The following KIRREL3 variants were observed in gnomAD, a reference collection of about 807,000 sequenced individuals.
KIRREL3 encodes the protein kin of IRRE-like protein 3.
In KIRREL3, 36 loss-of-function variants were observed where a neutral mutation model predicts 89.7. The observed-to-expected ratio is 0.40, with a 90% CI of 0.31 to 0.53. The LOEUF (loss-of-function observed/expected upper bound fraction) is 0.53. Among genes scored for constraint, KIRREL3 ranks in the 20% least tolerant of loss-of-function variants. The pLI, the probability that KIRREL3 is intolerant of heterozygous loss-of-function variation, is 0.49. For synonymous variants in KIRREL3, 445 were observed against 441.4 expected, an observed-to-expected ratio of 1.01 and a Z score of -0.10; for missense variants, 864 against 1,056.6, an observed-to-expected ratio of 0.82 and a Z score of 2.53.
intron 4 of KIRREL3, among the ~76,000 whole-genome samples, chr11:126,499,981 C>T (rs1003076369): frequency 6.6e-6 from 1 of 152,188 alleles, no homozygotes; most frequent in African/African-American, 2.4e-5. Context: ...TGATACAATG[C>T]TTTTGCACAT....
At chr11:126,923,215 T>C (rs867477553) in intron 1 of KIRREL3, among the ~76,000 whole-genome samples, 3 of 18,920 alleles carry the variant, frequency 1.6e-4, no homozygotes, top group Non-Finnish European at 1.0e-4. Flanking sequence ...TTCTTCTTCT[T>C]CTTCTTCTTC....
intron 1 of KIRREL3, among the ~76,000 whole-genome samples, chr11:126,847,236 T>C (rs1273616107): frequency 6.6e-6 from 1 of 152,160 alleles, no homozygotes; most frequent in Non-Finnish European, 1.5e-5. Flanking sequence ...TGTATAAATA[T>C]CTTACTGGTA....
chr11:126,756,803 A>G (rs1949517517), intron 1 of KIRREL3, among the ~76,000 whole-genome samples: 1 of 152,218 alleles, frequency 6.6e-6, no homozygotes, highest in Non-Finnish European at 1.5e-5. Flanking sequence ...TATACTCTGA[A>G]TTACGTTTGC....
intron 1 of KIRREL3, among the ~76,000 whole-genome samples, chr11:126,939,547 C>G (rs528868278): frequency 2.0e-5 from 3 of 152,100 alleles, no homozygotes; most frequent in Non-Finnish European, 2.9e-5. Context: ...CCTTAAGTGG[C>G]GTTTCCAGGA....
At chr11:126,681,586 G>A (rs984890587) in intron 1 of KIRREL3, among the ~76,000 whole-genome samples, 10 of 148,834 alleles carry the variant, frequency 6.7e-5, no homozygotes, top group African/African-American at 2.5e-4. Context: ...GTCCATGTGT[G>A]TGCTCCTGGG....
chr11:126,656,594 C>T lies in KIRREL3; in HGVS notation c.56-93682G>A, dbSNP rs1189343141. Among the ~76,000 whole-genome samples, 6 of 152,190 alleles carry T rather than the reference C, an allele frequency of 3.9e-5. No homozygotes were observed. The highest frequency in any genetic ancestry group is 1.9e-4 in the East Asian group (1 of 5,186). ...CCCAGCCCCTGCACTGATTGTCTTA[C>T]CCACAGGGGCAGTTTAAATCTTCAT... On this transcript the variant is annotated intron_variant, in intron 1 of 16. Transcript: ENST00000525144. The surrounding 1 kb of genome is among the most constrained non-coding windows in gnomAD (Gnocchi z 4.0).
intron 5 of KIRREL3, among the ~76,000 whole-genome samples, chr11:126,466,220 C>A (rs1222844353): frequency 6.6e-6 from 1 of 152,222 alleles, no homozygotes; most frequent in East Asian, 1.9e-4. Context: ...AATAAAAATT[C>A]TGGTTCAAGT....
chr11:126,538,838 G>A (rs1460794829), intron 2 of KIRREL3, among the ~76,000 whole-genome samples: 4 of 152,106 alleles, frequency 2.6e-5, no homozygotes, highest in Non-Finnish European at 5.9e-5. Flanking sequence ...CTGGAGCTGC[G>A]GGGAGGCAAA....
At chr11:126,962,017 C>G (rs1949103291) in intron 1 of KIRREL3, among the ~76,000 whole-genome samples, 1 of 152,206 alleles carries the variant, frequency 6.6e-6, no homozygotes, top group Non-Finnish European at 1.5e-5. Flanking sequence ...AGATTCCTTT[C>G]AAAATATTAC....
chr11:126,984,479 A>G (rs928144280), intron 1 of KIRREL3, among the ~76,000 whole-genome samples: 2 of 152,200 alleles, frequency 1.3e-5, no homozygotes, highest in Non-Finnish European at 2.9e-5. Context: ...CAGGGGGGTC[A>G]CAGCCTATGG....
chr11:126,430,521 C>T lies in KIRREL3; in HGVS notation c.1696+898G>A, dbSNP rs563585812. 2.2e-4 allele frequency among the ~76,000 whole-genome samples: 34 copies of T among 152,194 alleles called. No individual in the cohort carries two copies. Among genetic ancestry groups the T allele is most frequent in the African/African-American group, 6.5e-4 (27 of 41,500 alleles). On this transcript the variant is annotated intron_variant, in intron 14 of 16. Coordinates refer to ENST00000525144, the MANE Select transcript of KIRREL3 (RefSeq NM_032531.4). The surrounding 1 kb of genome is among the most constrained non-coding windows in gnomAD (Gnocchi z 6.6). ...TGCTTCCCTATAATTTCCACTGAGA[C>T]GGTGGTGATGGAGGTCCTGAGACCA...
Position 126,429,853 on chromosome 11 carries a change from T to C in KIRREL3, c.1697-565A>G, listed in dbSNP as rs1305407450. Among the ~76,000 whole-genome samples, 1 of 152,216 alleles carries C rather than the reference T, an allele frequency of 6.6e-6. No individual in the cohort carries two copies. The highest frequency in any genetic ancestry group is 2.4e-5 in the African/African-American group (1 of 41,466). On this transcript the variant is annotated intron_variant, in intron 14 of 16. Coordinates refer to ENST00000525144, the MANE Select transcript of KIRREL3 (RefSeq NM_032531.4). The surrounding 1 kb of genome is among the most constrained non-coding windows in gnomAD (Gnocchi z 5.2). ...GTTGGAGAGCTCTGTTAGAAAATTC[T>C]TGGCTGGGTGCGGTGGCTCACGCCT...
Position 126,652,375 on chromosome 11 carries a change from G to T in KIRREL3, c.56-89463C>A, listed in dbSNP as rs934020980. ...AGACAGGAGAGGAAGCCTGGGCCAA[G>T]CCTGCCTAGGGAGTCTATCGTGGTA... On this transcript the variant is annotated intron_variant, in intron 1 of 16. Transcript: ENST00000525144. The surrounding 1 kb of genome is among the most constrained non-coding windows in gnomAD (Gnocchi z 4.9). 6.6e-6 allele frequency among the ~76,000 whole-genome samples: 1 copy of T among 152,192 alleles called. No homozygotes were observed. The highest frequency in any genetic ancestry group is 6.5e-5 in the Admixed American group (1 of 15,278).
At chr11:126,457,213 GTGTA>G (rs1956380227) in intron 6 of KIRREL3, among the ~76,000 whole-genome samples, 1 of 149,844 alleles carries the variant, frequency 6.7e-6, no homozygotes, top group African/African-American at 2.5e-5. Flanking sequence ...GTGTGTGTAT[GTGTA>G]TGTGTGTGTA....
chr11:126,837,399 C>T lies in KIRREL3; in HGVS notation c.55+163056G>A, dbSNP rs1193367865. 6.6e-6 allele frequency among the ~76,000 whole-genome samples: 1 copy of T among 152,170 alleles called. No individual in the cohort carries two copies. Among genetic ancestry groups the T allele is most frequent in the Non-Finnish European group, 1.5e-5 (1 of 68,036 alleles). On this transcript the variant is annotated intron_variant, in intron 1 of 16. Coordinates refer to ENST00000525144, the MANE Select transcript of KIRREL3 (RefSeq NM_032531.4). This position sits in a 1 kb window ranked among gnomAD's most constrained non-coding sequence, Gnocchi z 4.7. ...ATATTTCAAAACTCTGAATTCAAAA[C>T]TATGAACTTGTTAGATAAGGACATG...
chr11:126,461,278 G>A (rs1223010830), intron 6 of KIRREL3, among the ~76,000 whole-genome samples: 2 of 152,264 alleles, frequency 1.3e-5, no homozygotes, highest in Admixed American at 1.3e-4. Flanking sequence ...CACCACACAG[G>A]AGGAGGCGGT....
At chr11:126,436,657 T>C (rs1955346970) in intron 12 of KIRREL3, among the ~76,000 whole-genome samples, 154 bp downstream of exon 12, 1 of 152,242 alleles carries the variant, frequency 6.6e-6, no homozygotes, top group Admixed American at 6.5e-5. Context: ...AGGAGGCTGC[T>C]GGCTGGCTAG....
chr11:126,675,911 T>A (rs764682077), intron 1 of KIRREL3, among the ~76,000 whole-genome samples: 10 of 152,074 alleles, frequency 6.6e-5, no homozygotes, highest in Non-Finnish European at 1.5e-4. Flanking sequence ...GGAAGCTGTT[T>A]AATAGGCAGA....
intron 4 of KIRREL3, among the ~76,000 whole-genome samples, chr11:126,479,001 C>T (rs370428516): frequency 6.6e-5 from 10 of 152,168 alleles, no homozygotes; most frequent in African/African-American, 1.4e-4. Flanking sequence ...GATTCTCAGC[C>T]TGTTTCTCCG....
Sources: allele counts gnomAD v4.1 joint callset (sites outside exome capture counted in the v4.1 genomes callset), GRCh38; gene constraint gnomAD v4.1.1; non-coding constraint Gnocchi (gnomAD v3.1); transcripts MANE v1.5; gene names NCBI Gene and HGNC (gene_info 2026-07-23, HGNC 2026-07-21).